Variants in PSD3 observed in about 807,000 individuals in gnomAD.
PSD3 encodes pleckstrin and Sec7 domain containing 3.
In PSD3, 49 loss-of-function variants were observed where a neutral mutation model predicts 105.5. That is an observed-to-expected ratio of 0.46 (90% CI 0.37 to 0.59). The LOEUF is 0.59. Ranked by LOEUF, PSD3 falls within the 20% of genes least tolerant of loss-of-function variation. The pLI is 0.00. For synonymous variants in PSD3, 557 were observed against 457.8 expected, an observed-to-expected ratio of 1.22 and a Z score of -2.77; for missense variants, 1,561 against 1,263.8, an observed-to-expected ratio of 1.24 and a Z score of -3.57.
At chr8:18,656,098 C>G (rs1047607473) in intron 9 of PSD3, among the ~76,000 whole-genome samples, 12 of 152,136 alleles carry the variant, frequency 7.9e-5, no homozygotes, top group African/African-American at 2.9e-4. Flanking sequence ...CACTCCATTG[C>G]CCAGGCTGGA....
intron 4 of PSD3, among the ~76,000 whole-genome samples, chr8:18,833,990 G>C (rs779134764): frequency 3.9e-5 from 6 of 151,986 alleles, no homozygotes; most frequent in Non-Finnish European, 4.4e-5. Context: ...AATTTATGAA[G>C]TAGCTAGGAA....
intron 9 of PSD3, among the ~76,000 whole-genome samples, chr8:18,663,355 G>A (rs1382827682): frequency 5.3e-5 from 8 of 152,166 alleles, no homozygotes; most frequent in African/African-American, 1.9e-4. Flanking sequence ...CAACCAGGGA[G>A]GTGGAGGTTT....
At chr8:18,712,554 T>C (rs1374008374) in intron 9 of PSD3, among the ~76,000 whole-genome samples, 1 of 152,014 alleles carries the variant, frequency 6.6e-6, no homozygotes, top group African/African-American at 2.4e-5. Flanking sequence ...CATACACACA[T>C]ACACCTTCCC....
chr8:18,534,193 A>G lies in PSD3; in HGVS notation c.*1550T>C, dbSNP rs958057746. ...ATTCTTTGGTCATAGTACCTTCAACAAATAAACTATAGAACTAGAGAAACT... is the reference window on the plus strand; with the variant it reads ...ATTCTTTGGTCATAGTACCTTCAACGAATAAACTATAGAACTAGAGAAACT... On this transcript the variant is annotated 3_prime_UTR_variant, in exon 16 of 16. Transcript: ENST00000327040. The G allele has an allele frequency of 6.6e-6, 1 of 152,568 alleles. No homozygotes were observed. Among genetic ancestry groups the G allele is most frequent in the African/African-American group, 2.4e-5 (1 of 41,462 alleles). The allele number at this position is 152,568 out of a possible 1,614,324, so 9.5% of individuals were successfully genotyped here.
intron 4 of PSD3, among the ~76,000 whole-genome samples, chr8:18,813,692 G>A (rs1386537882): frequency 6.6e-6 from 1 of 152,182 alleles, no homozygotes; most frequent in Non-Finnish European, 1.5e-5. Flanking sequence ...GACCACCCAA[G>A]TTCAAACACT....
chr8:19,068,592 C>T (rs1319722021), intron 1 of PSD3, among the ~76,000 whole-genome samples: 1 of 152,126 alleles, frequency 6.6e-6, no homozygotes, highest in Non-Finnish European at 1.5e-5. Flanking sequence ...TGCTCATCTT[C>T]CTCTTCCCTT....
chr8:18,560,175 T>TAC (rs5889808), intron 14 of PSD3, among the ~76,000 whole-genome samples: 5,884 of 143,390 alleles, frequency 0.041, 144 homozygotes, highest in Middle Eastern at 0.1. Context: ...ATACACATTT[T>TAC]ACACACACAC....
intron 9 of PSD3, among the ~76,000 whole-genome samples, chr8:18,704,627 A>ATGTAATTGGGG (rs1801784032): frequency 6.6e-6 from 1 of 152,220 alleles, no homozygotes; most frequent in South Asian, 2.1e-4. Context: ...GGCGTGAGCC[A>ATGTAATTGGGG]CCATGTCTGG....
chr8:19,030,702 T>C (rs1827736236), intron 1 of PSD3, among the ~76,000 whole-genome samples: 2 of 152,142 alleles, frequency 1.3e-5, no homozygotes, highest in Admixed American at 1.3e-4. Context: ...AACCTCTTTT[T>C]AATTACCGTT....
chr8:18,739,222 A>G lies in PSD3; in HGVS notation c.2172+26227T>C, dbSNP rs148191749. Among the ~76,000 whole-genome samples, 10 of 152,326 alleles carry G rather than the reference A, an allele frequency of 6.6e-5. 1 individual carries two copies. In the East Asian group the frequency reaches 1.9e-3, roughly 29 times the overall value. On this transcript the variant is annotated intron_variant, in intron 9 of 15. Transcript: ENST00000327040. ...ATGCTTCCCAGTTATAATCAGTAACAAGGAAGCAGATGATTCCCCCACAAA... is the reference window on the plus strand; with the variant it reads ...ATGCTTCCCAGTTATAATCAGTAACGAGGAAGCAGATGATTCCCCCACAAA...
chr8:19,060,302 T>G (rs1828852659), intron 1 of PSD3, among the ~76,000 whole-genome samples: 1 of 152,192 alleles, frequency 6.6e-6, no homozygotes, highest in Non-Finnish European at 1.5e-5. Flanking sequence ...TGTGAAGAGA[T>G]TTTGCTATCA....
chr8:19,024,570 G>A (rs1042854975), intron 1 of PSD3, among the ~76,000 whole-genome samples: 2 of 152,124 alleles, frequency 1.3e-5, no homozygotes, highest in Non-Finnish European at 2.9e-5. Flanking sequence ...AGCCACTTAC[G>A]ATGACACCTG....
intron 1 of PSD3, among the ~76,000 whole-genome samples, chr8:19,025,787 G>A (rs1399269640): frequency 6.6e-6 from 1 of 152,146 alleles, no homozygotes; most frequent in East Asian, 1.9e-4. Context: ...TCAGAGAATT[G>A]GACAATTACT....
intron 2 of PSD3, among the ~76,000 whole-genome samples, chr8:18,905,639 A>C (rs1298036658): frequency 6.6e-6 from 1 of 152,142 alleles, no homozygotes; most frequent in Non-Finnish European, 1.5e-5. Context: ...TTATTCTGAA[A>C]ACATATATTG....
At position 18,967,407 on chromosome 8, in the gene PSD3, G is replaced by C. The variant is rs1471035732; in HGVS notation, c.22-31265C>G. 2.0e-5 allele frequency among the ~76,000 whole-genome samples: 3 copies of C among 152,126 alleles called. 1 individual carries two copies. In the East Asian group the frequency reaches 5.8e-4, roughly 29 times the overall value. On this transcript the variant is annotated intron_variant, in intron 1 of 15. Transcript: ENST00000327040. Reference sequence around the variant, plus strand: ...CGATCTAAGGTGATCCACTCCCAAAGTGCTGGGATTACAGGCGTGAGCCAC... The same window carrying C: ...CGATCTAAGGTGATCCACTCCCAAACTGCTGGGATTACAGGCGTGAGCCAC...
chr8:18,961,592 A>T (rs1271405295), intron 1 of PSD3, among the ~76,000 whole-genome samples: 1 of 152,078 alleles, frequency 6.6e-6, no homozygotes, highest in Non-Finnish European at 1.5e-5. Flanking sequence ...CGCGAGGCTG[A>T]GGCAGGCAGA....
chr8:19,076,834 G>T (rs1027362751), intron 1 of PSD3, among the ~76,000 whole-genome samples: 1 of 151,894 alleles, frequency 6.6e-6, no homozygotes, highest in Admixed American at 6.6e-5. Context: ...TACAGCTACT[G>T]GTGCGACTCT....
intron 8 of PSD3, among the ~76,000 whole-genome samples, chr8:18,774,338 T>A (rs1807828113): frequency 6.6e-6 from 1 of 152,174 alleles, no homozygotes; most frequent in South Asian, 2.1e-4. Flanking sequence ...AAAAGAGACA[T>A]CCATCTCCCC....
intron 8 of PSD3, among the ~76,000 whole-genome samples, chr8:18,766,624 T>C (rs1233528090): frequency 6.6e-6 from 1 of 152,168 alleles, no homozygotes; most frequent in Non-Finnish European, 1.5e-5. Flanking sequence ...CTGTGAAGGA[T>C]CTGAGATTTA....
Sources: gnomAD v4.1 joint callset for allele counts (sites outside exome capture counted in the v4.1 genomes callset) on GRCh38, gnomAD v4.1.1 for gene constraint, MANE v1.5 for transcripts, NCBI Gene and HGNC (gene_info 2026-07-23, HGNC 2026-07-21) for gene names.